CAND1: variants seen among roughly 807,000 people sequenced by gnomAD.
The protein encoded by CAND1 is cullin-associated NEDD8-dissociated protein 1.
Under a neutral mutation model 108.5 loss-of-function variants are expected in CAND1, and 7 were observed. That is an observed-to-expected ratio of 0.06 (90% confidence interval 0.04 to 0.12). The LOEUF is 0.12. CAND1 is among the 10% of genes least tolerant of loss of function. CAND1 has a pLI of 1.00. For synonymous variants in CAND1, 534 were observed against 512.0 expected (o/e 1.04, Z -0.58); for missense variants, 941 against 1,448.7 (o/e 0.65, Z 5.69).
Position 67,305,741 on chromosome 12 carries a change from T to C in CAND1, c.2073T>C (p.Asp691=). 2 of 1,614,206 alleles carry C rather than the reference T, an allele frequency of 1.2e-6. No individual in the cohort carries two copies. Among genetic ancestry groups the C allele is most frequent in the Non-Finnish European group, 1.7e-6 (2 of 1,180,032 alleles). Residue 691 remains aspartate (D), a synonymous_variant, in exon 10 of 15, where the codon GAT becomes GAC. Transcript: ENST00000545606. The surrounding 1 kb of genome is among the most constrained non-coding windows in gnomAD (Gnocchi z 4.4). ...ACAGCTTGACAGCTGCCATGATTGA[T>C]GCAGTTCTAGATGAGCTCCCACCTC... ...YSDSLTAAMI[D]AVLDELPPLI... is the part of the protein sequence containing the mutation.
intron 1 of CAND1, chr12:67,270,323 T>G (rs2044508191): frequency 6.5e-6 from 1 of 152,780 alleles, no homozygotes; most frequent in African/African-American, 2.4e-5. Flanking sequence ...GGCTGATACA[T>G]AGTTCTTTTG....
chr12:67,288,720 C>A (rs1176660510), intron 2 of CAND1, among the ~76,000 whole-genome samples: 2 of 152,138 alleles, frequency 1.3e-5, no homozygotes, highest in African/African-American at 4.8e-5. Context: ...AAGAGTCAGT[C>A]AGAGATGGAA....
rs1233611278 is a variant in CAND1 at position 67,312,961 on chromosome 12, CTGTT to C, written c.*138_*141del. The C allele has an allele frequency of 5.1e-5, 28 of 552,436 alleles. No homozygotes were observed. The highest frequency in any genetic ancestry group is 1.2e-4 in the South Asian group (4 of 32,390). 34.2% of individuals were successfully genotyped at this position (552,436 alleles called of 1,614,324 possible). On this transcript the variant is annotated 3_prime_UTR_variant, in exon 15 of 15. Coordinates refer to ENST00000545606, the MANE Select transcript of CAND1 (RefSeq NM_018448.5). ...TCCACTTTTTTTTCCTTCATGGAGA[CTGTT>C]TGTTTGGCTTTCTTCCATTGTTGTT...
intron 2 of CAND1, among the ~76,000 whole-genome samples, chr12:67,283,856 A>G (rs7978989): frequency 0.19 from 28,788 of 152,018 alleles, 5,647 homozygotes; most frequent in African/African-American, 0.5. Flanking sequence ...CCTTTTGTTG[A>G]TATTTTATAT....
chr12:67,282,084 T>C (rs1486537734), intron 2 of CAND1, 31 bp downstream of exon 2: 3 of 1,609,050 alleles, frequency 1.9e-6, no homozygotes, highest in African/African-American at 2.7e-5. Context: ...TGAGTCTTTC[T>C]TCCTGCTCCC....
rs765993476 is a variant in CAND1, at chr12:67,297,575, A to G, written c.660A>G (p.Ser220=). 6.2e-7 allele frequency: 1 copy of G among 1,614,042 alleles called. No homozygotes were observed. The highest frequency in any genetic ancestry group is 8.5e-7 in the Non-Finnish European group (1 of 1,179,986). The change falls in exon 5 of 15, where the codon TCA becomes TCG. Residue 220 remains serine, a synonymous_variant. Coordinates refer to ENST00000545606, the MANE Select transcript of CAND1 (RefSeq NM_018448.5). Reference sequence around the variant, plus strand: ...TAGATCTTATTGAACATCTGTTGTCAGAGTTGTCCAAAAATGATTCTATGT... The same window carrying G: ...TAGATCTTATTGAACATCTGTTGTCGGAGTTGTCCAAAAATGATTCTATGT... ...VFVDLIEHLL[S]ELSKNDSMST...
chr12:67,274,041 T>C (rs973177389), intron 1 of CAND1, among the ~76,000 whole-genome samples: 7 of 152,180 alleles, frequency 4.6e-5, no homozygotes, highest in Non-Finnish European at 7.4e-5. Context: ...AGGATCTCTT[T>C]ACCCCCAGAA....
Position 67,313,073 on chromosome 12 carries a change from T to A in CAND1, c.*243T>A. 1 of 341,396 alleles carries A rather than the reference T, an allele frequency of 2.9e-6. No individual in the cohort carries two copies. Among genetic ancestry groups the A allele is most frequent in the East Asian group, 4.8e-5 (1 of 20,946 alleles). 21.1% of individuals were successfully genotyped at this position (341,396 alleles called of 1,614,324 possible). On this transcript the variant is annotated 3_prime_UTR_variant, in exon 15 of 15. Coordinates refer to ENST00000545606, the MANE Select transcript of CAND1 (RefSeq NM_018448.5). ...TAGTGTTTTAGTGGTTACAGCAACA[T>A]TTGAAATGGAAACTAAAAGTTAGGA...
In CAND1 at chr12:67,316,518, C is replaced by T. The variant is rs1376094830; in HGVS notation, c.*3688C>T. On this transcript the variant is annotated 3_prime_UTR_variant, in exon 15 of 15. Transcript: ENST00000545606. ...CTCTTTGTAACTTAGAAAGTTAGCT[C>T]TGAATCCAAAAACTACTGAAGTGAG... is the stretch of plus-strand genomic sequence containing the variant. 6.6e-6 allele frequency: 1 copy of T among 152,184 alleles called. No individual in the cohort carries two copies. The highest frequency in any genetic ancestry group is 1.5e-5 in the Non-Finnish European group (1 of 68,040). 9.4% of individuals were successfully genotyped at this position (152,184 alleles called of 1,614,324 possible).
chr12:67,270,018 G>C lies in CAND1; in HGVS notation c.68+233G>C, dbSNP rs1181118263. 5.8e-5 allele frequency: 29 copies of C among 498,990 alleles called. No homozygotes were observed. In the East Asian group the frequency reaches 1.1e-3, roughly 19 times the overall value. 30.9% of individuals were successfully genotyped at this position (498,990 alleles called of 1,614,324 possible). A position where few individuals can be genotyped will look rare whatever the true frequency, so the allele number is the denominator to read the frequency against. On this transcript the variant is annotated intron_variant, in intron 1 of 14. Transcript: ENST00000545606. ...AGGCAGTTGCCCGCCGCGGTCTCTA[G>C]GCCCCGTTTGCTTGTCTCAGCGCCC...
At chr12:67,312,413 T>A (rs1400081279) in intron 14 of CAND1, among the ~76,000 whole-genome samples, 193 bp from the exon 15 acceptor site, 1 of 152,148 alleles carries the variant, frequency 6.6e-6, no homozygotes, top group East Asian at 1.9e-4. Context: ...TGGGGCTTTG[T>A]GTAAAATATT....
At chr12:67,279,251 A>G (rs1322787304) in intron 1 of CAND1, among the ~76,000 whole-genome samples, 3 of 151,992 alleles carry the variant, frequency 2.0e-5, no homozygotes, top group Non-Finnish European at 2.9e-5. Flanking sequence ...TTGAGATCCA[A>G]CCTAACAGTC....
chr12:67,297,853 G>T lies in CAND1; in HGVS notation c.854G>T (p.Arg285Ile). The T allele has an allele frequency of 6.4e-7, 1 of 1,556,990 alleles. No individual in the cohort carries two copies. The highest frequency in any genetic ancestry group is 1.4e-5 in the African/African-American group (1 of 73,060). Reference sequence around the variant, plus strand: ...CAAGCCTTTGAATCATTTGTAAGAAGGTAAGTTTTTAAGATCTCTATTTTT... The same window carrying T: ...CAAGCCTTTGAATCATTTGTAAGAATGTAAGTTTTTAAGATCTCTATTTTT... ...CIQAFESFVR[R>I]CPKEVYPHVS... Residue 285 changes from arginine to isoleucine, a missense_variant and splice_region_variant, in exon 6 of 15, where the codon AGA becomes ATA. Physicochemically the swap from Arg to Ile is moderately conservative, Grantham distance 97. Around this residue, in one of 9 missense-constraint regions of CAND1, gnomAD observed 697 missense variants for 942.0 expected, o/e 0.74. Coordinates refer to ENST00000545606, the MANE Select transcript of CAND1 (RefSeq NM_018448.5).
chr12:67,281,996 T>C lies in CAND1; in HGVS notation c.155T>C (p.Met52Thr). 6.2e-7 allele frequency: 1 copy of C among 1,612,232 alleles called. No individual in the cohort carries two copies. The highest frequency in any genetic ancestry group is 8.5e-7 in the Non-Finnish European group (1 of 1,179,128). ...DDDSERKVVK[M>T]ILKLLEDKNG... ...GATAGTGAAAGGAAAGTAGTGAAAA[T>C]GATTTTGAAGTTATTGGAAGATAAA... is the stretch of plus-strand genomic sequence containing the variant. Residue 52 changes from methionine (M) to threonine (T), a missense_variant, in exon 2 of 15, where the codon ATG becomes ACG. Around this residue, in one of 9 missense-constraint regions of CAND1, gnomAD observed 44 missense variants for 129.1 expected, o/e 0.34. Coordinates refer to ENST00000545606, the MANE Select transcript of CAND1 (RefSeq NM_018448.5).
chr12:67,277,684 A>T (rs1002825145), intron 1 of CAND1, among the ~76,000 whole-genome samples: 1 of 152,096 alleles, frequency 6.6e-6, no homozygotes, highest in African/African-American at 2.4e-5. Flanking sequence ...AATTTTCACC[A>T]CTCGACACTC....
chr12:67,309,485 AT>A (rs550552753), intron 11 of CAND1, among the ~76,000 whole-genome samples: 233 of 151,946 alleles, frequency 1.5e-3, no homozygotes, highest in African/African-American at 5.5e-3. Context: ...TCTTCACTTC[AT>A]TTTTTTATTC....
intron 2 of CAND1, among the ~76,000 whole-genome samples, chr12:67,282,379 G>T (rs955173742): frequency 2.6e-5 from 4 of 151,998 alleles, no homozygotes; most frequent in Non-Finnish European, 5.9e-5. Flanking sequence ...ATGTATCTCT[G>T]TATTCCAGTG....
intron 6 of CAND1, among the ~76,000 whole-genome samples, 158 bp from the exon 7 acceptor site, chr12:67,298,792 T>C (rs1182849555): frequency 1.3e-5 from 2 of 152,122 alleles, no homozygotes; most frequent in African/African-American, 4.8e-5. Context: ...CCTTTTAAAA[T>C]AGTAAGTCCA....
chr12:67,292,667 A>G lies in CAND1; in HGVS notation c.258A>G (p.Thr86=). ...AAGTGAAAGAATACCAAGTAGAGAC[A>G]ATTGTAGATACCCTCTGCACTAACA... The part of the protein sequence containing the change: ...VSKVKEYQVE[T]IVDTLCTNML... Residue 86 remains threonine, a synonymous_variant, in exon 3 of 15, where the codon ACA becomes ACG. Coordinates refer to ENST00000545606, the MANE Select transcript of CAND1 (RefSeq NM_018448.5). 6.2e-7 allele frequency: 1 copy of G among 1,612,882 alleles called. No individual in the cohort carries two copies. The highest frequency in any genetic ancestry group is 8.5e-7 in the Non-Finnish European group (1 of 1,179,224).
Sources: allele counts gnomAD v4.1 joint callset (sites outside exome capture counted in the v4.1 genomes callset), GRCh38; gene constraint gnomAD v4.1.1; regional missense constraint gnomAD v4.1.1; non-coding constraint Gnocchi (gnomAD v3.1); transcripts MANE v1.5; gene names NCBI Gene and HGNC (gene_info 2026-07-23, HGNC 2026-07-21).